Variants in CDH1 observed in about 807,000 individuals in gnomAD.
CDH1 encodes cadherin 1, also known as cadherin-1.
Under a neutral mutation model 84.5 loss-of-function variants are expected in CDH1, and 35 were observed. That is an observed-to-expected ratio of 0.41 (90% CI 0.32 to 0.55). The LOEUF is 0.55. Ranked by LOEUF, CDH1 falls within the 20% of genes least tolerant of loss-of-function variation. The probability of loss-of-function intolerance (pLI) is 0.19; values close to 1 mark genes in which losing one functional copy is unlikely to be tolerated. For missense variants in CDH1, 994 were observed against 1,126.6 expected (o/e 0.88, Z 1.68); for synonymous variants, 417 against 439.0 (o/e 0.95, Z 0.63).
At chr16:68,822,992 GA>G in intron 12 of CDH1, 1 of 258,434 alleles carries the variant, frequency 3.9e-6, no homozygotes. Context: ...CTTCCTAGAT[GA>G]AAAAGTAAAA....
chr16:68,807,643 C>T (rs1960700303), intron 3 of CDH1, among the ~76,000 whole-genome samples: 1 of 152,026 alleles, frequency 6.6e-6, no homozygotes, highest in African/African-American at 2.4e-5. Context: ...GAGCTTTGAT[C>T]ACTTCACTGC....
intron 2 of CDH1, among the ~76,000 whole-genome samples, chr16:68,754,771 T>C (rs1962976833): frequency 6.6e-6 from 1 of 152,168 alleles, no homozygotes; most frequent in South Asian, 2.1e-4. Context: ...TGCTAGGCAT[T>C]GGGGATGCAG....
intron 14 of CDH1, 61 bp downstream of exon 14, chr16:68,828,365 T>G: frequency 6.4e-7 from 1 of 1,566,626 alleles, no homozygotes; most frequent in East Asian, 2.2e-5. Flanking sequence ...AAGCAATGAT[T>G]AGTAAGAGGT....
At chr16:68,815,417 T>A in intron 9 of CDH1, 98 bp from the exon 10 acceptor site, 2 of 1,505,172 alleles carry the variant, frequency 1.3e-6, no homozygotes, top group Non-Finnish European at 9.1e-7. Context: ...TGCACCAACC[T>A]AATATATTAC....
intron 8 of CDH1, among the ~76,000 whole-genome samples, chr16:68,813,015 G>A (rs374386141): frequency 2.6e-4 from 39 of 152,240 alleles, no homozygotes; most frequent in East Asian, 1.9e-3. Flanking sequence ...ACCCCAGTGC[G>A]CCCATTGCCT....
In CDH1 at chr16:68,746,018, T is replaced by C. The variant is rs576214269; in HGVS notation, c.163+7607T>C. Among the ~76,000 whole-genome samples, 7 of 152,236 alleles carry C rather than the reference T, an allele frequency of 4.6e-5. No homozygotes were observed. In the East Asian group the frequency reaches 1.4e-3, roughly 30 times the overall value. ...TATTTTTGTAGAGACGGTTTCACCATGTTGGCCAGTCTGGTCTCAAGCTCC... is the reference window on the plus strand; with the variant it reads ...TATTTTTGTAGAGACGGTTTCACCACGTTGGCCAGTCTGGTCTCAAGCTCC... On this transcript the variant is annotated intron_variant, in intron 2 of 15. Transcript: ENST00000261769.
intron 2 of CDH1, among the ~76,000 whole-genome samples, chr16:68,786,254 C>T (rs1187393660): frequency 2.0e-5 from 3 of 152,142 alleles, no homozygotes; most frequent in African/African-American, 7.2e-5. Flanking sequence ...TCACTGCAAC[C>T]TCTTCATCCT....
At chr16:68,785,562 C>T (rs553537106) in intron 2 of CDH1, among the ~76,000 whole-genome samples, 37 of 152,288 alleles carry the variant, frequency 2.4e-4, no homozygotes, top group South Asian at 2.3e-3. Flanking sequence ...CAGACTCAAA[C>T]TCCTGGGTTT....
intron 13 of CDH1, among the ~76,000 whole-genome samples, chr16:68,824,895 T>C (rs532767354): frequency 6.6e-6 from 1 of 152,292 alleles, no homozygotes. Flanking sequence ...ATCAGAACTC[T>C]GGTAGGGCTT....
intron 2 of CDH1, among the ~76,000 whole-genome samples, chr16:68,753,212 C>CAAAAAAAAAA (rs55703202): frequency 1.4e-5 from 1 of 70,118 alleles, no homozygotes; most frequent in Non-Finnish European, 2.6e-5. Context: ...GACTCAGTCT[C>CAAAAAAAAAA]AAAAAAAAAA....
At chr16:68,769,112 A>G (rs992840517) in intron 2 of CDH1, among the ~76,000 whole-genome samples, 1 of 152,176 alleles carries the variant, frequency 6.6e-6, no homozygotes, top group Non-Finnish European at 1.5e-5. Flanking sequence ...CTCTCTTTGA[A>G]TATGAGCTCC....
chr16:68,738,936 C>G (rs375261625), intron 2 of CDH1, among the ~76,000 whole-genome samples: 2 of 11,434 alleles, frequency 1.7e-4, no homozygotes, highest in Non-Finnish European at 4.6e-4. Flanking sequence ...GATATAAAAG[C>G]TTTTTTTTTT....
In CDH1 at chr16:68,815,545, A is replaced by G. The variant is rs377416092; in HGVS notation, c.1351A>G (p.Ile451Val). Residue 451 changes from isoleucine (I) to valine (V), a missense_variant, in exon 10 of 16, where the codon ATT becomes GTT. Ile to Val is a conservative substitution (Grantham distance 29). Transcript: ENST00000261769. Reference protein sequence around the residue: ...GLDFEAKQQYILHVAVTNVVP... With the variant: ...GLDFEAKQQYVLHVAVTNVVP... The stretch of plus-strand genomic sequence containing the variant: ...GGATTTTGAGGCCAAGCAGCAGTAC[A>G]TTCTACACGTAGCAGTGACGAATGT... 1 of 1,614,248 alleles carries G rather than the reference A, an allele frequency of 6.2e-7. No individual in the cohort carries two copies. The highest frequency in any genetic ancestry group is 8.5e-7 in the Non-Finnish European group (1 of 1,180,054).
intron 2 of CDH1, among the ~76,000 whole-genome samples, chr16:68,764,071 A>T (rs1959300742): frequency 6.6e-6 from 1 of 152,030 alleles, no homozygotes; most frequent in Non-Finnish European, 1.5e-5. Context: ...TTGAGATTTG[A>T]TGGGTTTTTT....
rs1391878221 is a variant in CDH1 at position 68,786,086 on chromosome 16, G to T, written c.164-15584G>T. Among the ~76,000 whole-genome samples the T allele has an allele frequency of 2.0e-5, 3 of 152,202 alleles. No homozygotes were observed. In the East Asian group the frequency reaches 5.8e-4, roughly 29 times the overall value. ...GTGAGTGACCTGTGGCTGTTCTCCA[G>T]TGTATGCCAGAGTCAGATTCTGGCA... On this transcript the variant is annotated intron_variant, in intron 2 of 15. Coordinates refer to ENST00000261769, the MANE Select transcript of CDH1 (RefSeq NM_004360.5).
chr16:68,824,788 A>G (rs1013845008), intron 13 of CDH1, among the ~76,000 whole-genome samples: 5 of 152,238 alleles, frequency 3.3e-5, no homozygotes, highest in Non-Finnish European at 5.9e-5. Context: ...ATTTACACAC[A>G]GGGAGAAAGT....
At chr16:68,794,268 T>A (rs1415201226) in intron 2 of CDH1, among the ~76,000 whole-genome samples, 2 of 152,050 alleles carry the variant, frequency 1.3e-5, no homozygotes, top group African/African-American at 4.8e-5. Context: ...CTCAAACTCC[T>A]GGACACAAGC....
chr16:68,812,291 C>T (rs1482122114), intron 8 of CDH1, 28 bp downstream of exon 8: 10 of 1,612,716 alleles, frequency 6.2e-6, no homozygotes, highest in Non-Finnish European at 8.5e-6. Context: ...TAGAGGGTTT[C>T]CAAAGAAAGG....
chr16:68,782,209 G>A (rs544514360), intron 2 of CDH1, among the ~76,000 whole-genome samples: 3 of 152,272 alleles, frequency 2.0e-5, no homozygotes, highest in East Asian at 1.9e-4. Flanking sequence ...GGGCGTGGAC[G>A]GGGGCCACAG....
Sources: allele counts gnomAD v4.1 joint callset (sites outside exome capture counted in the v4.1 genomes callset), GRCh38; gene constraint gnomAD v4.1.1; transcripts MANE v1.5; gene names NCBI Gene and HGNC (gene_info 2026-07-23, HGNC 2026-07-21).